PATZ1: variants seen among roughly 807,000 people sequenced by gnomAD.
PATZ1 encodes POZ-, AT hook-, and zinc finger-containing protein 1.
PATZ1 carries 9 observed loss-of-function variants against 46.2 expected under a neutral mutation model. The observed-to-expected ratio is 0.19, with a 90% CI of 0.12 to 0.34. The LOEUF is 0.34. Among genes scored for constraint, PATZ1 ranks in the 10% least tolerant of loss-of-function variants. PATZ1 has a pLI of 1.00. For synonymous variants in PATZ1, 426 were observed against 378.6 expected (o/e 1.13, Z -1.45); for missense variants, 632 against 923.0 (o/e 0.68, Z 4.08).
chr22:31,335,612 A>G, intron 3 of PATZ1, 80 bp downstream of exon 3: 1 of 1,344,372 alleles, frequency 7.4e-7, no homozygotes, highest in South Asian at 1.3e-5. Context: ...AGTCTGAGGC[A>G]GGGTGATTGA....
In PATZ1 at chr22:31,335,814, G is replaced by A; in HGVS notation, c.1385C>T (p.Ala462Val). 3 of 1,614,086 alleles carry A rather than the reference G, an allele frequency of 1.9e-6. No homozygotes were observed. The highest frequency in any genetic ancestry group is 2.5e-6 in the Non-Finnish European group (3 of 1,179,988). ...GCAGGGCACCTTGTCTTCATGACAG[G>A]CCAGGTGGGAGCGCAGACGGTCTCG... ...ATRDRLRSHL[A>V]CHEDKVPCQV... Residue 462 changes from alanine (A) to valine (V), a missense_variant, in exon 3 of 5, where the codon GCC (alanine) becomes GTC (valine). Physicochemically the swap from Ala to Val is moderately conservative, Grantham distance 64. Around this residue, in one of 7 missense-constraint regions of PATZ1, gnomAD observed 55 missense variants for 169.0 expected, o/e 0.33. Transcript: ENST00000266269.
At chr22:31,339,417 T>C (rs1455292887) in intron 2 of PATZ1, among the ~76,000 whole-genome samples, 2 of 151,982 alleles carry the variant, frequency 1.3e-5, no homozygotes, top group Non-Finnish European at 1.5e-5. Flanking sequence ...AAGTCCAAAG[T>C]CTAGGCACAG....
intron 3 of PATZ1, 94 bp from the exon 4 acceptor site, chr22:31,329,018 T>G: frequency 5.2e-6 from 7 of 1,353,044 alleles, no homozygotes; most frequent in East Asian, 2.5e-5. Flanking sequence ...CTGGCTAGCA[T>G]TCCCAGGTCA....
At chr22:31,343,506 G>A (rs1361472084) in intron 1 of PATZ1, 4 of 879,568 alleles carry the variant, frequency 4.5e-6, no homozygotes, top group African/African-American at 1.8e-5. Flanking sequence ...CTGCCTGACC[G>A]GTAAGACTGG....
chr22:31,335,650 C>T lies in PATZ1; in HGVS notation c.1507+42G>A, dbSNP rs760547016. On this transcript the variant is annotated intron_variant, in intron 3 of 4. Transcript: ENST00000266269. Reference sequence around the variant, plus strand: ...CACCCCTAGGCCTCCCATACACGCTCAGGCCCATCCTCTGGAAGTGAGGAA... The same window carrying T: ...CACCCCTAGGCCTCCCATACACGCTTAGGCCCATCCTCTGGAAGTGAGGAA... 9 of 1,593,534 alleles carry T rather than the reference C, an allele frequency of 5.6e-6. No homozygotes were observed. The African/African-American group carries it at 8.0e-5, about 14-fold the overall frequency.
At chr22:31,338,829 A>T (rs1367725206) in intron 2 of PATZ1, among the ~76,000 whole-genome samples, 1 of 152,222 alleles carries the variant, frequency 6.6e-6, no homozygotes, top group African/African-American at 2.4e-5. Flanking sequence ...CGGGTGGATC[A>T]CAATGTCAGA....
chr22:31,342,810 C>A, intron 2 of PATZ1, 87 bp downstream of exon 2: 1 of 1,464,232 alleles, frequency 6.8e-7, no homozygotes. Context: ...GCCGGGCCCC[C>A]GGCACACGCA....
chr22:31,328,742 A>C lies in PATZ1; in HGVS notation c.1645+45T>G. Reference sequence around the variant, plus strand: ...ACGCCCAGCCCAGCGCCCCCACAACACAGTCTGCGCAGAGAAGCAAAGTGC... The same window carrying C: ...ACGCCCAGCCCAGCGCCCCCACAACCCAGTCTGCGCAGAGAAGCAAAGTGC... On this transcript the variant is annotated intron_variant, in intron 4 of 4. Coordinates refer to ENST00000266269, the MANE Select transcript of PATZ1 (RefSeq NM_014323.3). This position sits in a 1 kb window ranked among gnomAD's most constrained non-coding sequence, Gnocchi z 4.8. The C allele has an allele frequency of 6.3e-7, 1 of 1,593,988 alleles. No individual in the cohort carries two copies. The highest frequency in any genetic ancestry group is 8.6e-7 in the Non-Finnish European group (1 of 1,163,736).
At chr22:31,329,503 A>G (rs2049410780) in intron 3 of PATZ1, among the ~76,000 whole-genome samples, 2 of 152,206 alleles carry the variant, frequency 1.3e-5, no homozygotes, top group African/African-American at 4.8e-5. Flanking sequence ...TCAGCATAAC[A>G]GGATTTAGTA....
In PATZ1 at chr22:31,346,176, G is replaced by C. The variant is rs1217147165; in HGVS notation, c.-574C>G. ...CGGCGGGGCGCGCACGGGGGCGGTG[G>C]CGCGGGCCGGGTCCCGGAGCCTGGA... On this transcript the variant is annotated 5_prime_UTR_variant, in exon 1 of 5. Transcript: ENST00000266269. The C allele has an allele frequency of 6.8e-6, 1 of 148,052 alleles. No individual in the cohort carries two copies. The highest frequency in any genetic ancestry group is 1.5e-5 in the Non-Finnish European group (1 of 66,322). The allele number at this position is 148,052 out of a possible 1,614,324, so 9.2% of individuals were successfully genotyped here. A position where few individuals can be genotyped will look rare whatever the true frequency, so the allele number is the denominator to read the frequency against.
chr22:31,326,911 TG>T lies in PATZ1; in HGVS notation c.2043del (p.Met682TrpfsTer26). 1 of 1,613,572 alleles carries T rather than the reference TG, an allele frequency of 6.2e-7. No individual in the cohort carries two copies. ...SLVDPEVDQQ[P>X]MGPEGK ...CTGCCTCATTTCCCTTCAGGCCCCA[TG>T]GGCTGCTGGTCAACCTCAGGATCTA... On this transcript the variant is annotated frameshift_variant, in exon 5 of 5. Coordinates refer to ENST00000266269, the MANE Select transcript of PATZ1 (RefSeq NM_014323.3). LOFTEE classifies it high-confidence loss of function.
At position 31,328,815 on chromosome 22, in the gene PATZ1, G is replaced by A. The variant is rs757225027; in HGVS notation, c.1617C>T (p.Phe539=). 2 of 1,613,232 alleles carry A rather than the reference G, an allele frequency of 1.2e-6. No homozygotes were observed. Among genetic ancestry groups the A allele is most frequent in the Admixed American group, 3.3e-5 (2 of 59,998 alleles). ...TGTTGCCATAGGTCCTGGCGCAGTG[G>A]AACGCTGCTCCCCCATTCAGGATGG... ...QEPILNGGAA[F]HCARTYGNKE... The change falls in exon 4 of 5, where the codon TTC becomes TTT. Residue 539 remains phenylalanine, a synonymous_variant. Coordinates refer to ENST00000266269, the MANE Select transcript of PATZ1 (RefSeq NM_014323.3). The surrounding 1 kb of genome is among the most constrained non-coding windows in gnomAD (Gnocchi z 4.8).
At chr22:31,333,587 TTC>T (rs2049472665) in intron 3 of PATZ1, among the ~76,000 whole-genome samples, 1 of 152,072 alleles carries the variant, frequency 6.6e-6, no homozygotes, top group Non-Finnish European at 1.5e-5. Context: ...TTTCTCTTCT[TTC>T]TGAGTACCCA....
chr22:31,341,281 C>T lies in PATZ1; in HGVS notation c.1335+1616G>A, dbSNP rs1241543849. The stretch of plus-strand genomic sequence containing the variant: ...CTGACATGGGAAAGACTCCGAGTCA[C>T]CCAGGGAGGAGCTGGGCATGCTGGG... On this transcript the variant is annotated intron_variant, in intron 2 of 4. Transcript: ENST00000266269. The T allele has an allele frequency of 3.5e-6, 5 of 1,443,570 alleles. No homozygotes were observed. In the East Asian group the frequency reaches 1.2e-4, roughly 34 times the overall value. The allele number at this position is 1,443,570 out of a possible 1,614,324, so 89.4% of individuals were successfully genotyped here.
intron 3 of PATZ1, among the ~76,000 whole-genome samples, chr22:31,333,372 G>A (rs900212613): frequency 1.3e-5 from 2 of 152,146 alleles, no homozygotes; most frequent in South Asian, 4.2e-4. Context: ...CCTCCTGTAG[G>A]TACAGGCTTG....
intron 3 of PATZ1, among the ~76,000 whole-genome samples, chr22:31,335,130 T>C (rs191981153): frequency 2.0e-5 from 3 of 152,330 alleles, no homozygotes; most frequent in Admixed American, 2.0e-4. Context: ...TCAAGCATGC[T>C]GCCCTGCTCA....
chr22:31,340,605 C>T, intron 2 of PATZ1: 1 of 853,080 alleles, frequency 1.2e-6, no homozygotes, highest in Non-Finnish European at 1.4e-6. Flanking sequence ...GGCAGGAGCG[C>T]ATTTGTACAC....
intron 2 of PATZ1, chr22:31,341,714 C>T (rs1024494991): frequency 6.3e-7 from 1 of 1,576,036 alleles, no homozygotes; most frequent in Non-Finnish European, 8.6e-7. Flanking sequence ...GCAGGTTACC[C>T]CCCCAGGCCA....
rs2049372838 is a variant in PATZ1, at chr22:31,326,653, T to C, written c.*238A>G. On this transcript the variant is annotated 3_prime_UTR_variant, in exon 5 of 5. Transcript: ENST00000266269. ...TGCCTTGGAGGCCTATGTAGTGTTT[T>C]CTGCCCCTGTCCCATACCAAGTCTC... 1 of 484,698 alleles carries C rather than the reference T, an allele frequency of 2.1e-6. No homozygotes were observed. The highest frequency in any genetic ancestry group is 1.9e-5 in the African/African-American group (1 of 51,952). 30.0% of individuals were successfully genotyped at this position (484,698 alleles called of 1,614,324 possible).
Sources: gnomAD v4.1 joint callset for allele counts (sites outside exome capture counted in the v4.1 genomes callset) on GRCh38, gnomAD v4.1.1 for gene constraint, gnomAD v4.1.1 regional missense constraint, Gnocchi (gnomAD v3.1) non-coding constraint, MANE v1.5 for transcripts, NCBI Gene and HGNC (gene_info 2026-07-23, HGNC 2026-07-21) for gene names.